The following ADAP1 variants were observed in gnomAD, a reference collection of about 807,000 sequenced individuals.
ADAP1 encodes arf-GAP with dual PH domain-containing protein 1.
ADAP1 carries 31 observed loss-of-function variants against 54.9 expected under a neutral mutation model. The observed-to-expected ratio is 0.56, with a 90% CI of 0.42 to 0.76. The LOEUF (loss-of-function observed/expected upper bound fraction) is 0.76, where lower values mean the gene tolerates loss of function less well. ADAP1 is among the 30% of genes least tolerant of loss of function. The probability of loss-of-function intolerance (pLI) is 0.00; values close to 1 mark genes in which losing one functional copy is unlikely to be tolerated. For synonymous variants in ADAP1, 313 were observed against 202.6 expected (o/e 1.55, Z -4.63); for missense variants, 535 against 512.4 (o/e 1.04, Z -0.42).
intron 4 of ADAP1, among the ~76,000 whole-genome samples, chr7:909,840 G>A (rs1057368378): frequency 6.7e-6 from 1 of 150,170 alleles, no homozygotes; most frequent in Non-Finnish European, 1.5e-5. Context: ...GCTGTGTGTC[G>A]GGTCCTATGG....
In ADAP1 at chr7:945,303, G is replaced by A. The variant is rs1009709416; in HGVS notation, c.82+9093C>T. 6.6e-6 allele frequency among the ~76,000 whole-genome samples: 1 copy of A among 152,220 alleles called. No homozygotes were observed. The highest frequency in any genetic ancestry group is 1.5e-5 in the Non-Finnish European group (1 of 68,026). On this transcript the variant is annotated intron_variant, in intron 1 of 10. Coordinates refer to ENST00000265846, the MANE Select transcript of ADAP1 (RefSeq NM_006869.4). The surrounding 1 kb of genome is among the most constrained non-coding windows in gnomAD (Gnocchi z 4.2). ...CACGCACTCTCAGAGACCCTCCAGG[G>A]TGGAAGGGGAGCTGGTCTGACGCCC...
intron 3 of ADAP1, among the ~76,000 whole-genome samples, chr7:924,703 C>G (rs781159874): frequency 4.8e-4 from 72 of 151,538 alleles, no homozygotes; most frequent in Non-Finnish European, 7.7e-4. Context: ...CAGGACCCAA[C>G]AGCAGCAGCC....
Position 938,736 on chromosome 7 carries a change from G to A in ADAP1, c.83-3231C>T, listed in dbSNP as rs185327209. On this transcript the variant is annotated intron_variant, in intron 1 of 10. Transcript: ENST00000265846. This position sits in a 1 kb window ranked among gnomAD's most constrained non-coding sequence, Gnocchi z 4.4. ...AGGGGTAGCAGGCAACATGAGCCCA[G>A]CTGGGAACATCACCGCTCGGGGTGC... 1.1e-4 allele frequency among the ~76,000 whole-genome samples: 16 copies of A among 152,332 alleles called. No individual in the cohort carries two copies. In the East Asian group the frequency reaches 2.1e-3, roughly 20 times the overall value.
In ADAP1 at chr7:900,800, G is replaced by A. The variant is rs573403119; in HGVS notation, c.649-184C>T. 2,825 of 655,356 alleles carry A rather than the reference G, an allele frequency of 4.3e-3. 8 individuals carry two copies. Among genetic ancestry groups the A allele is most frequent in the Non-Finnish European group, 6.5e-3 (2,358 of 361,444 alleles). The allele number at this position is 655,356 out of a possible 1,614,324, so 40.6% of individuals were successfully genotyped here. A position where few individuals can be genotyped will look rare whatever the true frequency, so the allele number is the denominator to read the frequency against. Reference sequence around the variant, plus strand: ...GCCCCTGTGCCCACGCTGAGGCCGGGGCTGCTACACAGGGGCTGCCCCTCT... The same window carrying A: ...GCCCCTGTGCCCACGCTGAGGCCGGAGCTGCTACACAGGGGCTGCCCCTCT... On this transcript the variant is annotated intron_variant, in intron 6 of 10. Coordinates refer to ENST00000265846, the MANE Select transcript of ADAP1 (RefSeq NM_006869.4).
intron 1 of ADAP1, among the ~76,000 whole-genome samples, chr7:940,167 T>A (rs1056280733): frequency 4.0e-5 from 6 of 151,056 alleles, no homozygotes; most frequent in African/African-American, 1.5e-4. Flanking sequence ...GCTCAGGGAG[T>A]TAAATGTGAA....
intron 4 of ADAP1, among the ~76,000 whole-genome samples, chr7:907,444 G>A (rs570339661): frequency 6.6e-5 from 10 of 152,136 alleles, no homozygotes; most frequent in South Asian, 4.1e-4. Context: ...TGCCCACTCC[G>A]AGTCTCGGGC....
chr7:935,642 C>T, intron 1 of ADAP1, 137 bp from the exon 2 acceptor site: 2 of 1,155,974 alleles, frequency 1.7e-6, no homozygotes, highest in Non-Finnish European at 2.4e-6. Context: ...CACCAGGCTC[C>T]GTGCGCCCCA....
intron 2 of ADAP1, among the ~76,000 whole-genome samples, chr7:928,596 G>A (rs888605981): frequency 2.0e-5 from 3 of 152,174 alleles, no homozygotes; most frequent in East Asian, 1.9e-4. Context: ...ATGGCCACTC[G>A]GCCACGCAAA....
At chr7:921,605 C>T (rs1427078376) in intron 3 of ADAP1, among the ~76,000 whole-genome samples, 3 of 152,232 alleles carry the variant, frequency 2.0e-5, no homozygotes, top group South Asian at 2.1e-4. Flanking sequence ...GTGAGCCTCG[C>T]GTCCGGCCCC....
rs780119921 is a variant in ADAP1 at position 900,108 on chromosome 7, C to G, written c.789G>C (p.Gly263=). Residue 263 remains glycine (G), a synonymous_variant, in exon 8 of 11, where the codon GGG becomes GGC. Transcript: ENST00000265846. ...YLKEGYMEKT[G]PKQTEGFRKR... ...GCACGTGCGGCACACCCACCTTGGG[C>G]CCCGTCTTCTCCATGTAGCCTTCCT... 6.2e-7 allele frequency: 1 copy of G among 1,613,210 alleles called. No individual in the cohort carries two copies. The highest frequency in any genetic ancestry group is 1.1e-5 in the South Asian group (1 of 91,092).
In ADAP1 at chr7:951,141, G is replaced by A. The variant is rs548686332; in HGVS notation, c.82+3255C>T. Among the ~76,000 whole-genome samples the A allele has an allele frequency of 1.1e-4, 16 of 152,256 alleles. No individual in the cohort carries two copies. In the South Asian group the frequency reaches 1.9e-3, roughly 18 times the overall value. ...TGGAATCCCAGCACTTTGGGAGGCC[G>A]AGGCGGGTGGATCACGAGGTCAGGA... On this transcript the variant is annotated intron_variant, in intron 1 of 10. Transcript: ENST00000265846.
chr7:923,625 G>T (rs1345327787), intron 3 of ADAP1, among the ~76,000 whole-genome samples: 1 of 152,102 alleles, frequency 6.6e-6, no homozygotes, highest in Non-Finnish European at 1.5e-5. Context: ...TGGGCAAACT[G>T]AGGCCCTGGG....
intron 9 of ADAP1, 61 bp downstream of exon 9, chr7:899,358 G>C: frequency 1.9e-6 from 3 of 1,606,572 alleles, no homozygotes. Context: ...TCCTGGTCAC[G>C]CATCTGGCAA....
chr7:935,940 T>C (rs1341054690), intron 1 of ADAP1, among the ~76,000 whole-genome samples: 1 of 152,164 alleles, frequency 6.6e-6, no homozygotes, highest in Non-Finnish European at 1.5e-5. Flanking sequence ...GAAATTCAGA[T>C]AGGATCTGAG....
chr7:923,228 T>C (rs1406799546), intron 3 of ADAP1: 1 of 151,986 alleles, frequency 6.6e-6, no homozygotes, highest in Non-Finnish European at 1.5e-5. Flanking sequence ...CAGACATGCA[T>C]GCAGAGCCCT....
intron 9 of ADAP1, 39 bp from the exon 10 acceptor site, chr7:899,300 C>T (rs1844661355): frequency 6.2e-7 from 1 of 1,608,708 alleles, no homozygotes; most frequent in South Asian, 1.1e-5. Flanking sequence ...GGCCATGTCC[C>T]TTCCAGCCCC....
chr7:915,963 C>T (rs1027340446), intron 4 of ADAP1, among the ~76,000 whole-genome samples: 2 of 152,128 alleles, frequency 1.3e-5, no homozygotes, highest in Admixed American at 1.3e-4. Flanking sequence ...GCAGAACCCA[C>T]GCCCACTGCC....
intron 4 of ADAP1, among the ~76,000 whole-genome samples, chr7:918,988 CTGGGGAGACCGAGGCTGGGG>C (rs1254404221): frequency 3.0e-4 from 46 of 152,046 alleles, no homozygotes; most frequent in South Asian, 1.0e-3. Flanking sequence ...CTAAGCAGCA[CTGGGGAGACCGAGGCTGGGG>C]TGGGGAGACC....
In ADAP1 at chr7:945,955, G is replaced by C. The variant is rs1847125396; in HGVS notation, c.82+8441C>G. 1 of 383,902 alleles carries C rather than the reference G, an allele frequency of 2.6e-6. No homozygotes were observed. Among genetic ancestry groups the C allele is most frequent in the African/African-American group, 2.2e-5 (1 of 45,742 alleles). The allele number at this position is 383,902 out of a possible 1,614,324, so 23.8% of individuals were successfully genotyped here. A position where few individuals can be genotyped will look rare whatever the true frequency, so the allele number is the denominator to read the frequency against. On this transcript the variant is annotated intron_variant, in intron 1 of 10. Coordinates refer to ENST00000265846, the MANE Select transcript of ADAP1 (RefSeq NM_006869.4). The surrounding 1 kb of genome is among the most constrained non-coding windows in gnomAD (Gnocchi z 4.2). The stretch of plus-strand genomic sequence containing the variant: ...CTGTCCATGGGGCCCTGGTTCCAGA[G>C]ACCTTTGCCCTCCCAAGGCTGACGC...
Sources: gnomAD v4.1 joint callset for allele counts (sites outside exome capture counted in the v4.1 genomes callset) on GRCh38, gnomAD v4.1.1 for gene constraint, Gnocchi (gnomAD v3.1) non-coding constraint, MANE v1.5 for transcripts, NCBI Gene and HGNC (gene_info 2026-07-23, HGNC 2026-07-21) for gene names.